Variants in DNAH12 observed in about 807,000 individuals in gnomAD.
DNAH12 encodes the protein dynein axonemal heavy chain 12.
A neutral mutation model predicts 371.5 loss-of-function variants in DNAH12; 285 were observed. The ratio of observed to expected loss-of-function variants is 0.77; its 90% CI spans 0.70 to 0.85. DNAH12 has a LOEUF of 0.85. Ranked by LOEUF, DNAH12 falls within the 40% of genes least tolerant of loss-of-function variation. DNAH12 has a pLI of 0.00. For missense variants in DNAH12, 3,611 were observed against 3,689.4 expected (o/e 0.98, Z 0.55); for synonymous variants, 1,200 against 1,213.0 (o/e 0.99, Z 0.22).
intron 11 of DNAH12, among the ~76,000 whole-genome samples, chr3:57,496,909 C>T (rs771690311): frequency 2.0e-5 from 3 of 151,660 alleles, no homozygotes; most frequent in East Asian, 3.9e-4. Flanking sequence ...GCAGAGGTTG[C>T]GGTGAGCCGA....
intron 13 of DNAH12, among the ~76,000 whole-genome samples, chr3:57,473,878 C>T (rs1244125364): frequency 1.3e-5 from 2 of 152,014 alleles, no homozygotes; most frequent in African/African-American, 4.8e-5. Context: ...ATATGATCAA[C>T]ACAGTAGATG....
At chr3:57,480,075 C>A (rs988011171) in intron 13 of DNAH12, among the ~76,000 whole-genome samples, 1 of 152,022 alleles carries the variant, frequency 6.6e-6, no homozygotes, top group Non-Finnish European at 1.5e-5. Flanking sequence ...AAGATCAGAG[C>A]AGAACTGAAG....
rs2064578197 is a variant in DNAH12 at position 57,421,503 on chromosome 3, C to G, written c.5562+15G>C. 1 of 1,550,874 alleles carries G rather than the reference C, an allele frequency of 6.4e-7. No homozygotes were observed. Among genetic ancestry groups the G allele is most frequent in the Admixed American group, 2.0e-5 (1 of 50,916 alleles). ...TTGTGTTTTATCTTACCATAACAAGCTTTTTATGTCATACCTCATACATGT... is the reference window on the plus strand; with the variant it reads ...TTGTGTTTTATCTTACCATAACAAGGTTTTTATGTCATACCTCATACATGT... On this transcript the variant is annotated intron_variant, in intron 36 of 73. Coordinates refer to ENST00000495027, the MANE Select transcript of DNAH12 (RefSeq NM_001366028.2).
chr3:57,535,614 C>T (rs2069006914), intron 2 of DNAH12, among the ~76,000 whole-genome samples: 1 of 152,170 alleles, frequency 6.6e-6, no homozygotes, highest in Admixed American at 6.5e-5. Context: ...ATGATCTCGG[C>T]TCACCACAAC....
intron 69 of DNAH12, among the ~76,000 whole-genome samples, chr3:57,302,559 A>ATTTTTTTTT (rs1436244232): frequency 6.5e-5 from 4 of 61,372 alleles, no homozygotes; most frequent in South Asian, 6.9e-4. Context: ...ATATATATAT[A>ATTTTTTTTT]TATATGTATT....
chr3:57,515,707 A>C (rs2068167768), intron 4 of DNAH12, among the ~76,000 whole-genome samples: 1 of 152,080 alleles, frequency 6.6e-6, no homozygotes, highest in African/African-American at 2.4e-5. Context: ...GAATAAGCGA[A>C]GAAAAATATT....
At chr3:57,295,163 C>T (rs544289716) in intron 73 of DNAH12, among the ~76,000 whole-genome samples, 9 of 152,162 alleles carry the variant, frequency 5.9e-5, no homozygotes, top group South Asian at 2.1e-4. Context: ...TAGTCACTAG[C>T]GGGAGACTGT....
chr3:57,483,995 A>G (rs1246076281), intron 12 of DNAH12, among the ~76,000 whole-genome samples: 2 of 150,906 alleles, frequency 1.3e-5, no homozygotes, highest in Non-Finnish European at 3.0e-5. Context: ...AATTCAGTAT[A>G]TACTATACAT....
Position 57,413,921 on chromosome 3 carries a change from TGAAG to T in DNAH12, c.5854-13_5854-10del. 1.9e-6 allele frequency: 3 copies of T among 1,548,234 alleles called. No homozygotes were observed. The highest frequency in any genetic ancestry group is 2.7e-5 in the African/African-American group (2 of 72,906). On this transcript the variant is annotated splice_polypyrimidine_tract_variant and intron_variant, in intron 38 of 73. Transcript: ENST00000495027. ...CTAGCCATGATAATGTTCTAAAATA[TGAAG>T]GAAGAATGGTATATTTACCTATAAT... is the stretch of plus-strand genomic sequence containing the variant.
chr3:57,393,318 C>G (rs2063663980), intron 44 of DNAH12, among the ~76,000 whole-genome samples: 1 of 152,116 alleles, frequency 6.6e-6, no homozygotes, highest in Admixed American at 6.5e-5. Flanking sequence ...TGTGACATTA[C>G]TTTCATCTTA....
intron 60 of DNAH12, among the ~76,000 whole-genome samples, chr3:57,337,028 C>T (rs1412108972): frequency 6.6e-6 from 1 of 151,500 alleles, no homozygotes; most frequent in Non-Finnish European, 1.5e-5. Context: ...CCTGAAAAGA[C>T]AGAGACTGAC....
intron 39 of DNAH12, among the ~76,000 whole-genome samples, chr3:57,412,195 C>T (rs1201435701): frequency 6.6e-6 from 1 of 152,170 alleles, no homozygotes. Context: ...GCCTTGACAA[C>T]ATAGCAAGAC....
intron 2 of DNAH12, among the ~76,000 whole-genome samples, chr3:57,537,162 C>G (rs1230249143): frequency 6.6e-6 from 1 of 151,986 alleles, no homozygotes; most frequent in Non-Finnish European, 1.5e-5. Flanking sequence ...CCACTGCCCT[C>G]CAGCCTGGGC....
intron 45 of DNAH12, among the ~76,000 whole-genome samples, chr3:57,388,743 T>C (rs2153346154): frequency 6.6e-6 from 1 of 152,160 alleles, no homozygotes. Flanking sequence ...GATGAGTTCA[T>C]GTCCTTTGTA....
At chr3:57,543,819 G>A (rs954377657) in intron 1 of DNAH12, among the ~76,000 whole-genome samples, 5 of 151,642 alleles carry the variant, frequency 3.3e-5, no homozygotes, top group Admixed American at 2.0e-4. Flanking sequence ...GGCCGAGGTG[G>A]GCGGATCACC....
intron 13 of DNAH12, 104 bp from the exon 14 acceptor site, chr3:57,472,775 T>G (rs2066404777): frequency 1.7e-6 from 2 of 1,207,266 alleles, no homozygotes; most frequent in Non-Finnish European, 2.3e-6. Context: ...AGATTTCAGT[T>G]TGACTCAGAT....
intron 49 of DNAH12, among the ~76,000 whole-genome samples, chr3:57,382,937 T>G (rs965736087): frequency 6.6e-6 from 1 of 152,356 alleles, no homozygotes; most frequent in South Asian, 2.1e-4. Context: ...CTATATATCT[T>G]AGTTTTTCAT....
chr3:57,454,879 C>G lies in DNAH12; in HGVS notation c.3352G>C (p.Ala1118Pro). 6.4e-7 allele frequency: 1 copy of G among 1,550,816 alleles called. No homozygotes were observed. The highest frequency in any genetic ancestry group is 8.7e-7 in the Non-Finnish European group (1 of 1,146,648). ...CACTCTCGAACCCAGTCTCTTCTTG[C>G]AGATTCTGGATAAGCCTGAACAATT... ...AAARLAYPES[A>P]RRDWVREWPG... The change falls in exon 23 of 74, where the codon GCA becomes CCA. Residue 1118 changes from alanine (A) to proline (P), a missense_variant. This residue lies in a region of DNAH12 where 1,314 missense variants were observed against 1,398.7 expected (regional missense o/e 0.94). Transcript: ENST00000495027.
rs557178752 is a variant in DNAH12 at position 57,428,663 on chromosome 3, G to A, written c.5223C>T (p.Pro1741=). The A allele has an allele frequency of 5.8e-5, 89 of 1,543,778 alleles. No individual in the cohort carries two copies. The highest frequency in any genetic ancestry group is 7.3e-5 in the Non-Finnish European group (84 of 1,145,228). The change falls in exon 34 of 74, where the codon CCC becomes CCT. Residue 1741 remains proline, a synonymous_variant. Coordinates refer to ENST00000495027, the MANE Select transcript of DNAH12 (RefSeq NM_001366028.2). ...ATTTTTTCTTACGCTGGTTTAAAGAGGGTGGTATTAACCAGGCAAAAAGTC... is the reference window on the plus strand; with the variant it reads ...ATTTTTTCTTACGCTGGTTTAAAGAAGGTGGTATTAACCAGGCAAAAAGTC... ...LRGLFAWLIP[P]SLNQRKKKCK...
Sources: gnomAD v4.1 joint callset for allele counts (sites outside exome capture counted in the v4.1 genomes callset) on GRCh38, gnomAD v4.1.1 for gene constraint, gnomAD v4.1.1 regional missense constraint, MANE v1.5 for transcripts, NCBI Gene and HGNC (gene_info 2026-07-23, HGNC 2026-07-21) for gene names.